The following ANK3 variants were observed in gnomAD, a reference collection of about 807,000 sequenced individuals.
ANK3 encodes ankyrin 3, also known as ankyrin-3.
Under a neutral mutation model 370.9 loss-of-function variants are expected in ANK3, and 57 were observed. The ratio of observed to expected loss-of-function variants is 0.15; its 90% CI spans 0.12 to 0.19. The LOEUF is 0.19. ANK3 is among the 10% of genes least tolerant of loss of function. ANK3 has a pLI of 1.00. For synonymous variants in ANK3, 1,929 were observed against 1,946.3 expected, an observed-to-expected ratio of 0.99 and a Z score of 0.23; for missense variants, 4,439 against 5,302.1, an observed-to-expected ratio of 0.84 and a Z score of 5.06.
intron 1 of ANK3, chr10:60,300,639 AC>A (rs1566388043): frequency 5.0e-6 from 4 of 793,206 alleles, no homozygotes; most frequent in Non-Finnish European, 6.1e-6. Flanking sequence ...TATGTGGAAT[AC>A]CGAGAATAGC....
chr10:60,377,556 T>C (rs547986316), intron 1 of ANK3, among the ~76,000 whole-genome samples: 18 of 152,316 alleles, frequency 1.2e-4, no homozygotes, highest in African/African-American at 3.8e-4. Context: ...CTAGTTTTAC[T>C]ACATAAAACA....
chr10:60,282,736 G>A (rs1328271849), intron 1 of ANK3, among the ~76,000 whole-genome samples: 6 of 152,060 alleles, frequency 3.9e-5, no homozygotes, highest in Admixed American at 2.6e-4. Flanking sequence ...GGAAGTACAC[G>A]CAGAAACAGA....
intron 11 of ANK3, among the ~76,000 whole-genome samples, chr10:60,204,691 T>TG (rs942089264): frequency 2.5e-4 from 38 of 152,132 alleles, no homozygotes; most frequent in African/African-American, 8.7e-4. Context: ...CCAGACAGTG[T>TG]GGGTATATGA....
At chr10:60,662,605 A>T (rs575193842) in intron 1 of ANK3, among the ~76,000 whole-genome samples, 138 of 152,334 alleles carry the variant, frequency 9.1e-4, no homozygotes, top group African/African-American at 3.2e-3. Flanking sequence ...TAAAAGAAAC[A>T]TATAAAATAT....
chr10:60,706,522 T>C (rs1382058166), intron 1 of ANK3, among the ~76,000 whole-genome samples: 1 of 151,226 alleles, frequency 6.6e-6, no homozygotes, highest in Non-Finnish European at 1.5e-5. Flanking sequence ...TAAGAGAGAA[T>C]GCTCCTAACC....
At chr10:60,186,557 AT>A (rs2096339766) in intron 17 of ANK3, 157 bp downstream of exon 17, 1 of 815,924 alleles carries the variant, frequency 1.2e-6, no homozygotes. Context: ...TTGTTTCCAA[AT>A]TTTTGCTCTG....
At position 60,084,630 on chromosome 10, in the gene ANK3, T is replaced by C; in HGVS notation, c.4046A>G (p.Glu1349Gly). The change falls in exon 32 of 44, where the codon GAG becomes GGG. Residue 1349 changes from glutamate to glycine, a missense_variant. Glu to Gly is a moderately conservative substitution (Grantham distance 98, BLOSUM62 -2). Coordinates refer to ENST00000280772, the MANE Select transcript of ANK3 (RefSeq NM_020987.5). ...AATATCTTTGCTTCTTGCGACTTCCTCAAAATTCTCTTGTTGCTCTAAAGT... is the reference window on the plus strand; with the variant it reads ...AATATCTTTGCTTCTTGCGACTTCCCCAAAATTCTCTTGTTGCTCTAAAGT... The part of the protein sequence containing the change: ...DKTLEQQENF[E>G]EVARSKDIEV... 1 of 1,614,002 alleles carries C rather than the reference T, an allele frequency of 6.2e-7. No homozygotes were observed. The highest frequency in any genetic ancestry group is 8.5e-7 in the Non-Finnish European group (1 of 1,179,976).
At chr10:60,600,541 T>C (rs774146479) in intron 2 of ANK3, among the ~76,000 whole-genome samples, 7 of 152,132 alleles carry the variant, frequency 4.6e-5, no homozygotes, top group Non-Finnish European at 7.4e-5. Flanking sequence ...AAATGATCTT[T>C]TCCATTAATT....
rs756136120 is a variant in ANK3 at position 60,159,906 on chromosome 10, G to A, written c.2614+6685C>T. Reference sequence around the variant, plus strand: ...GAACACAACACACTAAAACCTACGGGAGACAGCAAAAGTAGTACTAAAAGA... The same window carrying A: ...GAACACAACACACTAAAACCTACGGAAGACAGCAAAAGTAGTACTAAAAGA... On this transcript the variant is annotated intron_variant, in intron 23 of 43. Coordinates refer to ENST00000280772, the MANE Select transcript of ANK3 (RefSeq NM_020987.5). 6.3e-4 allele frequency among the ~76,000 whole-genome samples: 96 copies of A among 151,920 alleles called. 1 individual carries two copies. Among genetic ancestry groups the A allele is most frequent in the Non-Finnish European group, 1.2e-3 (84 of 67,980 alleles).
intron 1 of ANK3, among the ~76,000 whole-genome samples, chr10:60,311,098 A>AACCAT (rs2046249260): frequency 6.6e-6 from 1 of 152,164 alleles, no homozygotes; most frequent in Admixed American, 6.5e-5. Context: ...AGTGGAGAAA[A>AACCAT]ACCATCTTCT....
At chr10:60,726,573 T>C (rs1348794354) in intron 1 of ANK3, among the ~76,000 whole-genome samples, 4 of 152,212 alleles carry the variant, frequency 2.6e-5, no homozygotes, top group Non-Finnish European at 5.9e-5. Flanking sequence ...ACCAAGGTCA[T>C]GCAGTTGCTA....
chr10:60,055,156 A>G (rs537232286), intron 42 of ANK3, among the ~76,000 whole-genome samples: 1 of 148,204 alleles, frequency 6.7e-6, no homozygotes, highest in East Asian at 2.0e-4. Flanking sequence ...TAGGCTTGGA[A>G]TTTCATCTCT....
At chr10:60,396,782 C>T (rs1050138880) in intron 2 of ANK3, among the ~76,000 whole-genome samples, 30 of 152,124 alleles carry the variant, frequency 2.0e-4, no homozygotes, top group Admixed American at 1.4e-3. Flanking sequence ...AGCTCTTACG[C>T]CAACTTTGTC....
At chr10:60,260,505 C>T (rs888043994) in intron 7 of ANK3, among the ~76,000 whole-genome samples, 3 of 152,170 alleles carry the variant, frequency 2.0e-5, no homozygotes, top group Admixed American at 6.6e-5. Flanking sequence ...ATGCTACGTT[C>T]AAAATAACAG....
intron 2 of ANK3, among the ~76,000 whole-genome samples, chr10:60,494,626 T>A (rs1019630361): frequency 6.6e-6 from 1 of 152,118 alleles, no homozygotes; most frequent in Non-Finnish European, 1.5e-5. Flanking sequence ...CAAGGTAAGG[T>A]GTTTTCTTTT....
At chr10:60,324,977 C>T (rs142553895) in intron 1 of ANK3, among the ~76,000 whole-genome samples, 59 of 152,346 alleles carry the variant, frequency 3.9e-4, no homozygotes, top group African/African-American at 1.3e-3. Context: ...TCCTAGGCTG[C>T]TCCCTAAAAT....
At chr10:60,703,459 G>T (rs1248278095) in intron 1 of ANK3, among the ~76,000 whole-genome samples, 1 of 152,088 alleles carries the variant, frequency 6.6e-6, no homozygotes, top group African/African-American at 2.4e-5. Context: ...AGGTAGATGG[G>T]AGTTCATTCT....
Position 60,071,225 on chromosome 10 carries a change from T to C in ANK3, c.9656A>G (p.Lys3219Arg). Reference protein sequence around the residue: ...EEEQAKSTSLKQTTVEETAVE... With the variant: ...EEEQAKSTSLRQTTVEETAVE... Reference sequence around the variant, plus strand: ...TGCTGTTTCCTCCACTGTAGTCTGCTTAAGGGAGGTTGACTTGGCCTGTTC... The same window carrying C: ...TGCTGTTTCCTCCACTGTAGTCTGCCTAAGGGAGGTTGACTTGGCCTGTTC... The change falls in exon 37 of 44, where the codon AAG becomes AGG. Residue 3219 changes from lysine (K) to arginine (R), a missense_variant. Physicochemically the swap from Lys to Arg is conservative, Grantham distance 26. This residue lies in a region of ANK3 where 1,601 missense variants were observed against 1,731.7 expected (regional missense o/e 0.92). Coordinates refer to ENST00000280772, the MANE Select transcript of ANK3 (RefSeq NM_020987.5). 1 of 1,614,162 alleles carries C rather than the reference T, an allele frequency of 6.2e-7. No individual in the cohort carries two copies. Among genetic ancestry groups the C allele is most frequent in the Non-Finnish European group, 8.5e-7 (1 of 1,180,008 alleles).
intron 25 of ANK3, among the ~76,000 whole-genome samples, chr10:60,127,188 C>T (rs1012372576): frequency 6.6e-6 from 1 of 152,214 alleles, no homozygotes; most frequent in South Asian, 2.1e-4. Context: ...AAATTTGAGT[C>T]TCACTAGATG....
Sources: gnomAD v4.1 joint callset for allele counts (sites outside exome capture counted in the v4.1 genomes callset) on GRCh38, gnomAD v4.1.1 for gene constraint, gnomAD v4.1.1 regional missense constraint, MANE v1.5 for transcripts, NCBI Gene and HGNC (gene_info 2026-07-23, HGNC 2026-07-21) for gene names.